Variants in R3HDML observed in about 807,000 individuals in gnomAD.
R3HDML encodes peptidase inhibitor R3HDML.
R3HDML carries 21 observed loss-of-function variants against 24.2 expected under a neutral mutation model. The ratio of observed to expected loss-of-function variants is 0.87; its 90% CI spans 0.62 to 1.25. The LOEUF is 1.25. Ranked by LOEUF, R3HDML falls within the 50% of genes most tolerant of loss-of-function variation. R3HDML has a pLI of 0.00. For missense variants in R3HDML, 301 were observed against 340.3 expected (o/e 0.88, Z 0.91); for synonymous variants, 133 against 131.5 (o/e 1.01, Z -0.08).
Position 44,350,645 on chromosome 20 carries a change from C to T in R3HDML, c.630-15C>T. 1 of 1,611,502 alleles carries T rather than the reference C, an allele frequency of 6.2e-7. No homozygotes were observed. Among genetic ancestry groups the T allele is most frequent in the Non-Finnish European group, 8.5e-7 (1 of 1,178,910 alleles). Reference sequence around the variant, plus strand: ...CTAATGCTCCTCTGTCTCCCTGGGTCCTTTTCTCTTCCAGGGGCAACTGGA... The same window carrying T: ...CTAATGCTCCTCTGTCTCCCTGGGTTCTTTTCTCTTCCAGGGGCAACTGGA... On this transcript the variant is annotated splice_polypyrimidine_tract_variant and intron_variant, in intron 4 of 4. Transcript: ENST00000217043.
chr20:44,337,481 C>T lies in R3HDML; in HGVS notation c.261+63C>T, dbSNP rs1183164624. On this transcript the variant is annotated intron_variant, in intron 1 of 4. Transcript: ENST00000217043. The surrounding 1 kb of genome is among the most constrained non-coding windows in gnomAD (Gnocchi z 4.7). The stretch of plus-strand genomic sequence containing the variant: ...CCCTTCCGGCAAACGCAGCCGGACT[C>T]ATCTTGGCCTAGAATGACTGGCTTT... 4 of 1,539,514 alleles carry T rather than the reference C, an allele frequency of 2.6e-6. No homozygotes were observed. The African/African-American group carries it at 4.1e-5, about 16-fold the overall frequency.
chr20:44,346,057 T>C (rs909738810), intron 4 of R3HDML, among the ~76,000 whole-genome samples: 4 of 152,160 alleles, frequency 2.6e-5, no homozygotes, highest in African/African-American at 9.7e-5. Flanking sequence ...TAACCTCAGG[T>C]GATCTGCCCG....
In R3HDML at chr20:44,349,530, T is replaced by C. The variant is rs186071236; in HGVS notation, c.630-1130T>C. The stretch of plus-strand genomic sequence containing the variant: ...AAGTGTTTGTTGAATGACTAAATGA[T>C]TGAATGAGTCCTGTTAGGAAACCAG... On this transcript the variant is annotated intron_variant, in intron 4 of 4. Coordinates refer to ENST00000217043, the MANE Select transcript of R3HDML (RefSeq NM_178491.4). 1.9e-4 allele frequency among the ~76,000 whole-genome samples: 29 copies of C among 152,268 alleles called. No individual in the cohort carries two copies. The East Asian group carries it at 5.6e-3, about 29-fold the overall frequency.
intron 3 of R3HDML, 146 bp downstream of exon 3, chr20:44,343,655 T>C (rs2062778240): frequency 1.2e-6 from 1 of 852,378 alleles, no homozygotes; most frequent in Non-Finnish European, 1.7e-6. Flanking sequence ...TGGAAAGTTG[T>C]GTGCACAATG....
rs6031536 is a variant in R3HDML, at chr20:44,346,393, C to T, written c.629+1015C>T. 1.5e-3 allele frequency among the ~76,000 whole-genome samples: 231 copies of T among 152,294 alleles called. 4 individuals carry two copies. In the East Asian group the frequency reaches 0.042, roughly 28 times the overall value. ...TCTCCCAAAGTGCTGGGATTACAGGCGTGAGCCACCCTACCCAGCCCAATA... is the reference window on the plus strand; with the variant it reads ...TCTCCCAAAGTGCTGGGATTACAGGTGTGAGCCACCCTACCCAGCCCAATA... On this transcript the variant is annotated intron_variant, in intron 4 of 4. Coordinates refer to ENST00000217043, the MANE Select transcript of R3HDML (RefSeq NM_178491.4).
At chr20:44,345,490 A>G (rs975831291) in intron 4 of R3HDML, 112 bp downstream of exon 4, 1 of 735,160 alleles carries the variant, frequency 1.4e-6, no homozygotes, top group Admixed American at 2.8e-5. Context: ...CCTCAATACC[A>G]TATAATTTGG....
At position 44,350,808 on chromosome 20, in the gene R3HDML, T is replaced by G; in HGVS notation, c.*16T>G. The G allele has an allele frequency of 1.2e-6, 2 of 1,613,624 alleles. No individual in the cohort carries two copies. Among genetic ancestry groups the G allele is most frequent in the Non-Finnish European group, 1.7e-6 (2 of 1,179,756 alleles). ...GTGGTTCTGAATTTTCTCTGGGCTT[T>G]GGTGCGCCTCCAGCTGGGCCTGACC... On this transcript the variant is annotated 3_prime_UTR_variant, in exon 5 of 5. Transcript: ENST00000217043.
intron 2 of R3HDML, 31 bp downstream of exon 2, chr20:44,341,345 G>A: frequency 6.6e-7 from 1 of 1,521,248 alleles, no homozygotes; most frequent in East Asian, 2.3e-5. Context: ...CCTTCACTCA[G>A]TCATTCAACA....
chr20:44,345,387 C>A lies in R3HDML; in HGVS notation c.629+9C>A, dbSNP rs1423044534. 6.2e-7 allele frequency: 1 copy of A among 1,605,072 alleles called. No homozygotes were observed. Among genetic ancestry groups the A allele is most frequent in the Non-Finnish European group, 8.5e-7 (1 of 1,174,174 alleles). On this transcript the variant is annotated intron_variant, in intron 4 of 4. Transcript: ENST00000217043. Reference sequence around the variant, plus strand: ...TGCAACTATGCCATTAAGTAAGTGCCTGCACCAAGGCAAAGAGGGCCCTGG... The same window carrying A: ...TGCAACTATGCCATTAAGTAAGTGCATGCACCAAGGCAAAGAGGGCCCTGG...
rs1890088929 is a variant in R3HDML, at chr20:44,339,607, C to CTG, written c.262-1577_262-1576dup. 8.8e-5 allele frequency among the ~76,000 whole-genome samples: 8 copies of CTG among 90,672 alleles called. No homozygotes were observed. In the South Asian group the frequency reaches 1.7e-3, roughly 20 times the overall value. The allele number at this position is 90,672 out of a possible 152,430, so 59.5% of individuals were successfully genotyped here. A position where few individuals can be genotyped will look rare whatever the true frequency, so the allele number is the denominator to read the frequency against. On this transcript the variant is annotated intron_variant, in intron 1 of 4. Coordinates refer to ENST00000217043, the MANE Select transcript of R3HDML (RefSeq NM_178491.4). Reference sequence around the variant, plus strand: ...TGTGTGTGTGTGTGTGTGTGTGTGTCTGTGTGTGTGTGTATATATAGAGAG... The same window carrying CTG: ...TGTGTGTGTGTGTGTGTGTGTGTGTCTGTGTGTGTGTGTGTATATATAGAGAG...
Position 44,341,202 on chromosome 20 carries a change from G to A in R3HDML, c.268G>A (p.Asp90Asn). The change falls in exon 2 of 5, where the codon GAC (aspartate) becomes AAC (asparagine). Residue 90 changes from aspartate to asparagine, a missense_variant. By Grantham distance (23) the Asp-to-Asn change is conservative. Coordinates refer to ENST00000217043, the MANE Select transcript of R3HDML (RefSeq NM_178491.4). ...PAANMEYMVWDKRLARAAEAW... is the reference protein window; with the variant it reads ...PAANMEYMVWNKRLARAAEAW... ...ATTGCCTTTCTTTCCCCAGGTCTGG[G>A]ACAAGCGGCTGGCCAGGGCTGCCGA... The A allele has an allele frequency of 6.2e-7, 1 of 1,612,212 alleles. No individual in the cohort carries two copies. Among genetic ancestry groups the A allele is most frequent in the Non-Finnish European group, 8.5e-7 (1 of 1,178,748 alleles).
Position 44,343,519 on chromosome 20 carries a change from C to G in R3HDML, c.513+10C>G, listed in dbSNP as rs761904268. ...CTCCCATTATACCCAGGTACTCCTC[C>G]GTCAGGGCTGAGGGCCCCTGGGATA... is the stretch of plus-strand genomic sequence containing the variant. On this transcript the variant is annotated intron_variant, in intron 3 of 4. Transcript: ENST00000217043. The G allele has an allele frequency of 3.8e-6, 6 of 1,592,842 alleles. No homozygotes were observed. The East Asian group carries it at 1.4e-4, about 36-fold the overall frequency.
chr20:44,349,311 T>C (rs965931956), intron 4 of R3HDML, among the ~76,000 whole-genome samples: 6 of 151,808 alleles, frequency 4.0e-5, no homozygotes, highest in African/African-American at 1.2e-4. Context: ...CCTTCTACTA[T>C]AGTGATTGCA....
At chr20:44,349,293 T>G (rs929856543) in intron 4 of R3HDML, among the ~76,000 whole-genome samples, 1 of 152,088 alleles carries the variant, frequency 6.6e-6, no homozygotes, top group Non-Finnish European at 1.5e-5. Flanking sequence ...CCGTTTTCAT[T>G]TCTATATCCT....
chr20:44,343,565 A>G, intron 3 of R3HDML, 56 bp downstream of exon 3: 1 of 1,499,710 alleles, frequency 6.7e-7, no homozygotes, highest in Admixed American at 2.4e-5. Context: ...GCGCCTTAGA[A>G]GAAAAGGAAT....
chr20:44,344,085 T>G (rs1343009623), intron 3 of R3HDML, among the ~76,000 whole-genome samples: 2 of 152,048 alleles, frequency 1.3e-5, no homozygotes, highest in Non-Finnish European at 2.9e-5. Flanking sequence ...ATCAAGACCA[T>G]CCTGGCTAAC....
intron 1 of R3HDML, among the ~76,000 whole-genome samples, chr20:44,338,596 T>C (rs538490418): frequency 6.6e-6 from 1 of 152,284 alleles, no homozygotes; most frequent in African/African-American, 2.4e-5. Context: ...CCGTTGTGCG[T>C]GTGTGGCACC....
At position 44,350,668 on chromosome 20, in the gene R3HDML, G is replaced by A. The variant is rs1258238675; in HGVS notation, c.638G>A (p.Trp213Ter). Residue 213 changes from tryptophan (W) to a stop codon, truncating the protein, a stop_gained, in exon 5 of 5, where the codon TGG (tryptophan) becomes TAG (stop). Coordinates refer to ENST00000217043, the MANE Select transcript of R3HDML (RefSeq NM_178491.4). LOFTEE classifies it low-confidence loss of function (END_TRUNC). ...GTCCTTTTCTCTTCCAGGGGCAACT[G>A]GATTGGCGAGTCCCCGTACAAGATG... ...LVCNYAIKGN[W>*]IGESPYKMGK... The A allele has an allele frequency of 6.2e-7, 1 of 1,613,406 alleles. No homozygotes were observed. The highest frequency in any genetic ancestry group is 8.5e-7 in the Non-Finnish European group (1 of 1,179,786).
rs1187320868 is a variant in R3HDML at position 44,350,954 on chromosome 20, G to A, written c.*162G>A. ...ATCCCCTTCTTAAATGTCCAACATG[G>A]GTCAAAAGAAAATGACCTCCTTGCC... On this transcript the variant is annotated 3_prime_UTR_variant, in exon 5 of 5. Transcript: ENST00000217043. 2.3e-5 allele frequency: 17 copies of A among 726,832 alleles called. No homozygotes were observed. Among genetic ancestry groups the A allele is most frequent in the Non-Finnish European group, 1.1e-5 (5 of 462,432 alleles). 45.0% of individuals were successfully genotyped at this position (726,832 alleles called of 1,614,324 possible).
Sources: allele counts gnomAD v4.1 joint callset (sites outside exome capture counted in the v4.1 genomes callset), GRCh38; gene constraint gnomAD v4.1.1; non-coding constraint Gnocchi (gnomAD v3.1); transcripts MANE v1.5; gene names NCBI Gene and HGNC (gene_info 2026-07-23, HGNC 2026-07-21).